The following SLC14A2 variants were observed in gnomAD, a reference collection of about 807,000 sequenced individuals.
SLC14A2 encodes the protein urea transporter 2.
Under a neutral mutation model 104.6 loss-of-function variants are expected in SLC14A2, and 91 were observed. The observed-to-expected ratio is 0.87, with a 90% CI of 0.73 to 1.04. The LOEUF (loss-of-function observed/expected upper bound fraction) is 1.04, where lower values mean the gene tolerates loss of function less well. SLC14A2 is among the 50% of genes least tolerant of loss of function. SLC14A2 has a pLI of 0.00. For synonymous variants in SLC14A2, 476 were observed against 466.4 expected (o/e 1.02, Z -0.27); for missense variants, 1,189 against 1,156.0 (o/e 1.03, Z -0.41).
intron 2 of SLC14A2, among the ~76,000 whole-genome samples, chr18:45,541,765 T>A (rs550690016): frequency 6.6e-6 from 1 of 152,286 alleles, no homozygotes; most frequent in African/African-American, 2.4e-5. Flanking sequence ...CAGAGGCAGG[T>A]CAGAGCCTAT....
chr18:45,358,380 G>GT (rs1045956992), intron 1 of SLC14A2, among the ~76,000 whole-genome samples: 4 of 152,098 alleles, frequency 2.6e-5, no homozygotes, highest in African/African-American at 9.7e-5. Flanking sequence ...CTATGAAAAA[G>GT]AAAGGACCCC....
intron 1 of SLC14A2, among the ~76,000 whole-genome samples, chr18:45,257,637 A>G (rs1034488412): frequency 6.6e-6 from 1 of 152,210 alleles, no homozygotes; most frequent in Non-Finnish European, 1.5e-5. Flanking sequence ...GCTCTTGGCA[A>G]TCTTAAAATA....
At chr18:45,172,723 G>A in the SLC14A2 span, among the ~76,000 whole-genome samples, 2 of 152,078 alleles carry the variant, frequency 1.3e-5, no homozygotes, top group East Asian at 1.9e-4. Context: ...CAAAGCTTAC[G>A]ACAAAATCCT....
intron 2 of SLC14A2, among the ~76,000 whole-genome samples, chr18:45,516,283 T>A (rs1291635954): frequency 6.6e-6 from 1 of 152,184 alleles, no homozygotes; most frequent in African/African-American, 2.4e-5. Context: ...TCCTTTCTCT[T>A]TCTTTCAGCC....
At chr18:45,251,175 T>A (rs1383853187) in intron 1 of SLC14A2, among the ~76,000 whole-genome samples, 28 of 152,172 alleles carry the variant, frequency 1.8e-4, no homozygotes, top group Admixed American at 1.8e-3. Context: ...TCCCTCACCC[T>A]CTTCCTGCCC....
chr18:45,542,382 AG>A (rs1251189725), intron 2 of SLC14A2: 1 of 152,052 alleles, frequency 6.6e-6, no homozygotes, highest in African/African-American at 2.4e-5. Context: ...CAAGCATAAA[AG>A]GTATTCGAGT....
rs745363624 is a variant in SLC14A2 at position 45,252,792 on chromosome 18, C to CTTTTTTTTT, written c.-125+39610_-125+39618dup. Among the ~76,000 whole-genome samples the CTTTTTTTTT allele has an allele frequency of 4.0e-4, 51 of 126,910 alleles. 1 individual carries two copies. Among genetic ancestry groups the CTTTTTTTTT allele is most frequent in the East Asian group, 1.5e-3 (7 of 4,524 alleles). The allele number at this position is 126,910 out of a possible 152,430, so 83.3% of individuals were successfully genotyped here. A position where few individuals can be genotyped will look rare whatever the true frequency, so the allele number is the denominator to read the frequency against. On this transcript the variant is annotated intron_variant, in intron 1 of 20. Coordinates refer to the SLC14A2 transcript ENST00000586448. ...TGCAACATACTCATAGCAATATTGA[C>CTTTTTTTTT]TTTTTTTTTTTTTTTTTGGCAAATG...
At chr18:45,400,603 T>G (rs778068929) in intron 1 of SLC14A2, among the ~76,000 whole-genome samples, 10 of 152,218 alleles carry the variant, frequency 6.6e-5, no homozygotes, top group Non-Finnish European at 1.0e-4. Context: ...TTGAGATCTC[T>G]TCCATTAACC....
chr18:45,589,294 G>A (rs1430472239), intron 2 of SLC14A2, among the ~76,000 whole-genome samples: 2 of 151,450 alleles, frequency 1.3e-5, no homozygotes, highest in Non-Finnish European at 2.9e-5. Context: ...GGGGTGGGGA[G>A]CTGGAAAGGA....
At chr18:45,198,737 A>AT in the SLC14A2 span, among the ~76,000 whole-genome samples, 6 of 152,044 alleles carry the variant, frequency 3.9e-5, no homozygotes, top group South Asian at 4.2e-4. Context: ...GCTGTTACTA[A>AT]TTTTTTTAAC....
intron 1 of SLC14A2, among the ~76,000 whole-genome samples, chr18:45,479,089 CT>C (rs1428097885): frequency 2.0e-5 from 3 of 152,168 alleles, no homozygotes. Flanking sequence ...AACTTTACTG[CT>C]TTTGGCAGCC....
chr18:45,485,629 A>G (rs941745776), intron 2 of SLC14A2, among the ~76,000 whole-genome samples: 1 of 152,232 alleles, frequency 6.6e-6, no homozygotes. Flanking sequence ...CACAAACCCT[A>G]GTAGGCAGGT....
rs1486184428 is a variant in SLC14A2 at position 45,236,249 on chromosome 18, A to ATATATGTGTATATATACATGTATGTGTG, written c.-125+23120_-125+23147dup. ...TGTGTATATATACATATATGTGTGT[A>ATATATGTGTATATATACATGTATGTGTG]TATATGTGTATATATACATGTATGT... is the stretch of plus-strand genomic sequence containing the variant. On this transcript the variant is annotated intron_variant, in intron 1 of 20. Coordinates refer to the SLC14A2 transcript ENST00000586448. Among the ~76,000 whole-genome samples the ATATATGTGTATATATACATGTATGTGTG allele has an allele frequency of 3.5e-4, 13 of 37,034 alleles. 2 individuals carry two copies. Among genetic ancestry groups the ATATATGTGTATATATACATGTATGTGTG allele is most frequent in the East Asian group, 7.0e-4 (1 of 1,424 alleles). 24.3% of individuals were successfully genotyped at this position (37,034 alleles called of 152,430 possible).
chr18:45,637,180 CT>C lies in SLC14A2; in HGVS notation c.842del (p.Leu281ArgfsTer49), dbSNP rs1410420875. On this transcript the variant is annotated frameshift_variant and splice_region_variant, in exon 6 of 20. Coordinates refer to ENST00000255226, the MANE Select transcript of SLC14A2 (RefSeq NM_007163.4). LOFTEE classifies it high-confidence loss of function. Reference sequence around the variant, plus strand: ...CACCTGGACAGAGATGGAAATGCCCCTGGTAAGTTACCCAGCGGTGATGAGT... The same window carrying C: ...CACCTGGACAGAGATGGAAATGCCCCGGTAAGTTACCCAGCGGTGATGAGT... ...NITWTEMEMP[L>X]LLQAIPVGVG... 6.2e-7 allele frequency: 1 copy of C among 1,613,444 alleles called. No homozygotes were observed. Among genetic ancestry groups the C allele is most frequent in the Non-Finnish European group, 8.5e-7 (1 of 1,179,518 alleles).
At chr18:45,345,001 T>C (rs999369376) in intron 1 of SLC14A2, among the ~76,000 whole-genome samples, 2 of 152,210 alleles carry the variant, frequency 1.3e-5, no homozygotes, top group Non-Finnish European at 2.9e-5. Flanking sequence ...GTGCTGTCCC[T>C]GTGTCTCTGA....
At chr18:45,626,826 A>G in intron 3 of SLC14A2, 132 bp from the exon 4 acceptor site, 1 of 308,754 alleles carries the variant, frequency 3.2e-6, no homozygotes, top group Non-Finnish European at 6.4e-6. Context: ...CTCCACCCCG[A>G]CCCCTGGCCT....
Position 45,528,616 on chromosome 18 carries a change from G to C in SLC14A2, c.-35+45294G>C, listed in dbSNP as rs963834687. On this transcript the variant is annotated intron_variant, in intron 2 of 20. Coordinates refer to the SLC14A2 transcript ENST00000586448. ...CACACACACACACACACTCGGCTCA[G>C]TCAAACCCTGATAGGTTCCATCTGA... The C allele has an allele frequency of 4.6e-5, 7 of 150,948 alleles. 1 individual carries two copies. Among genetic ancestry groups the C allele is most frequent in the Non-Finnish European group, 1.5e-5 (1 of 67,872 alleles). The allele number at this position is 150,948 out of a possible 1,614,324, so 9.4% of individuals were successfully genotyped here. A position where few individuals can be genotyped will look rare whatever the true frequency, so the allele number is the denominator to read the frequency against.
At chr18:45,460,941 G>A (rs558093686) in intron 1 of SLC14A2, among the ~76,000 whole-genome samples, 2 of 152,240 alleles carry the variant, frequency 1.3e-5, no homozygotes, top group African/African-American at 4.8e-5. Flanking sequence ...AAGCTGAGTA[G>A]GTGTTGTATG....
chr18:45,352,556 T>A (rs761869254), intron 1 of SLC14A2, among the ~76,000 whole-genome samples: 1 of 152,186 alleles, frequency 6.6e-6, no homozygotes, highest in Non-Finnish European at 1.5e-5. Flanking sequence ...ACAGATAGAA[T>A]GATGTGTAAG....
Sources: allele counts gnomAD v4.1 joint callset (sites outside exome capture counted in the v4.1 genomes callset), GRCh38; gene constraint gnomAD v4.1.1; transcripts MANE v1.5; gene names NCBI Gene and HGNC (gene_info 2026-07-23, HGNC 2026-07-21).